PUS10: variants seen among roughly 807,000 people sequenced by gnomAD.
PUS10 encodes the protein tRNA pseudouridine synthase Pus10.
In PUS10, 59 loss-of-function variants were observed where a neutral mutation model predicts 75.0. The ratio of observed to expected loss-of-function variants is 0.79; its 90% CI spans 0.64 to 0.98. PUS10 has a LOEUF of 0.98. PUS10 is among the 50% of genes least tolerant of loss of function. The pLI, the probability that PUS10 is intolerant of heterozygous loss-of-function variation, is 0.00. For missense variants in PUS10, 650 were observed against 614.4 expected, an observed-to-expected ratio of 1.06 and a Z score of -0.61; for synonymous variants, 219 against 211.6, an observed-to-expected ratio of 1.03 and a Z score of -0.30.
At chr2:61,014,374 C>A (rs1041998651) in intron 1 of PUS10, among the ~76,000 whole-genome samples, 1 of 152,050 alleles carries the variant, frequency 6.6e-6, no homozygotes, top group Non-Finnish European at 1.5e-5. Flanking sequence ...AGCGAAATTC[C>A]ATCTCAAACA....
chr2:60,942,699 A>T (rs1397962456), intron 17 of PUS10, among the ~76,000 whole-genome samples: 3 of 152,108 alleles, frequency 2.0e-5, no homozygotes, highest in African/African-American at 7.2e-5. Context: ...GAATACATTT[A>T]AATTTTTTAA....
chr2:60,957,709 C>T (rs1342578353), intron 11 of PUS10, among the ~76,000 whole-genome samples: 11 of 152,234 alleles, frequency 7.2e-5, no homozygotes, highest in Non-Finnish European at 1.6e-4. Context: ...TGATCTGTTG[C>T]TCTCTGTATT....
intron 4 of PUS10, among the ~76,000 whole-genome samples, chr2:60,984,371 G>A (rs1416753789): frequency 6.6e-6 from 1 of 152,124 alleles, no homozygotes; most frequent in Non-Finnish European, 1.5e-5. Context: ...GTACAAGTGT[G>A]AACTAAAACA....
Position 61,007,567 on chromosome 2 carries a change from G to A in PUS10, c.382-924C>T, listed in dbSNP as rs368199604. Among the ~76,000 whole-genome samples the A allele has an allele frequency of 9.2e-5, 14 of 151,900 alleles. No homozygotes were observed. The East Asian group carries it at 2.3e-3, about 25-fold the overall frequency. On this transcript the variant is annotated intron_variant, in intron 3 of 17. Coordinates refer to ENST00000316752, the MANE Select transcript of PUS10 (RefSeq NM_144709.4). ...GCGGATCACCTGAGGTCAGGAGTTCGAGACCAGACTGGCCAACATGGTGAA... is the reference window on the plus strand; with the variant it reads ...GCGGATCACCTGAGGTCAGGAGTTCAAGACCAGACTGGCCAACATGGTGAA...
intron 8 of PUS10, among the ~76,000 whole-genome samples, chr2:60,964,068 C>G (rs1222077803): frequency 6.6e-6 from 1 of 152,202 alleles, no homozygotes; most frequent in Non-Finnish European, 1.5e-5. Flanking sequence ...GGGCCTCAGA[C>G]AGTGGAAACC....
intron 4 of PUS10, among the ~76,000 whole-genome samples, chr2:61,005,105 A>G (rs1338552320): frequency 2.0e-5 from 3 of 152,086 alleles, no homozygotes; most frequent in Non-Finnish European, 4.4e-5. Flanking sequence ...AAATACAAAA[A>G]TAAAAATTAG....
At chr2:61,014,859 T>C (rs1376482794) in intron 1 of PUS10, among the ~76,000 whole-genome samples, 4 of 152,208 alleles carry the variant, frequency 2.6e-5, no homozygotes, top group Non-Finnish European at 5.9e-5. Flanking sequence ...TAAAACTTCC[T>C]ACTTACTTGC....
rs1558890705 is a variant in PUS10, at chr2:60,960,474, C to T, written c.918G>A (p.Trp306Ter). 2 of 1,574,712 alleles carry T rather than the reference C, an allele frequency of 1.3e-6. No homozygotes were observed. The highest frequency in any genetic ancestry group is 1.7e-6 in the Non-Finnish European group (2 of 1,165,538). Residue 306 changes from tryptophan (W) to a stop codon, truncating the protein, a stop_gained, in exon 11 of 18, where the codon TGG (tryptophan) becomes TGA (stop). Transcript: ENST00000316752. LOFTEE classifies it high-confidence loss of function. The part of the protein sequence containing the change: ...KYSRNLPQTP[W>*]IIDGERKLES... The stretch of plus-strand genomic sequence containing the variant: ...CCAGCTTCCTTTCTCCATCAATTAT[C>T]CAAGGAGTTTGTGGTAGATTCCTGG...
intron 1 of PUS10, chr2:61,017,332 C>T (rs1680066471): frequency 6.2e-6 from 1 of 160,786 alleles, no homozygotes; most frequent in Non-Finnish European, 1.4e-5. Context: ...CTTCTCCCTT[C>T]TTGTTTGTAG....
chr2:60,992,936 TG>T (rs1678204841), intron 4 of PUS10, among the ~76,000 whole-genome samples: 2 of 152,222 alleles, frequency 1.3e-5, no homozygotes, highest in South Asian at 4.1e-4. Context: ...ATACGATATA[TG>T]GCTCTTTAAT....
At chr2:61,016,632 G>A (rs1280499673) in intron 1 of PUS10, among the ~76,000 whole-genome samples, 2 of 152,076 alleles carry the variant, frequency 1.3e-5, no homozygotes, top group Non-Finnish European at 2.9e-5. Context: ...AGGCTCCCTA[G>A]GAGGACTGAA....
intron 5 of PUS10, among the ~76,000 whole-genome samples, chr2:60,970,985 G>T (rs542579848): frequency 3.3e-5 from 5 of 152,180 alleles, no homozygotes; most frequent in Non-Finnish European, 4.4e-5. Context: ...TTCAAGACCA[G>T]CCTGGACAAC....
chr2:61,017,514 C>T (rs1680080795), intron 1 of PUS10: 4 of 484,180 alleles, frequency 8.3e-6, no homozygotes, highest in Middle Eastern at 5.4e-4. Flanking sequence ...GAGCCTTTAC[C>T]CTGAGGTTTA....
At chr2:61,013,951 AAACAACAAC>A (rs34082267) in intron 1 of PUS10, among the ~76,000 whole-genome samples, 3 of 151,122 alleles carry the variant, frequency 2.0e-5, no homozygotes, top group Admixed American at 6.6e-5. Flanking sequence ...AAATACAAAC[AAACAACAAC>A]AACAACAACA....
At chr2:60,999,318 A>T (rs1387911382) in intron 4 of PUS10, among the ~76,000 whole-genome samples, 1 of 152,210 alleles carries the variant, frequency 6.6e-6, no homozygotes, top group Non-Finnish European at 1.5e-5. Flanking sequence ...ATCAATCATG[A>T]ATATAAAATA....
At chr2:61,011,987 C>A in intron 1 of PUS10, 82 bp from the exon 2 acceptor site, 1 of 1,124,750 alleles carries the variant, frequency 8.9e-7, no homozygotes, top group Admixed American at 2.7e-5. Flanking sequence ...GGGATAAAAA[C>A]TAGCTTTCAT....
At chr2:60,979,078 C>A (rs974313464) in intron 4 of PUS10, among the ~76,000 whole-genome samples, 3 of 151,828 alleles carry the variant, frequency 2.0e-5, no homozygotes, top group African/African-American at 7.3e-5. Flanking sequence ...TTTAGCAGTA[C>A]CCCCTGCTCC....
At chr2:60,999,985 T>C (rs1678746871) in intron 4 of PUS10, among the ~76,000 whole-genome samples, 1 of 152,102 alleles carries the variant, frequency 6.6e-6, no homozygotes, top group Admixed American at 6.6e-5. Context: ...GCAAATAGTA[T>C]ACCATTTTAT....
At chr2:60,951,440 C>T (rs1369395154) in intron 15 of PUS10, among the ~76,000 whole-genome samples, 1 of 152,022 alleles carries the variant, frequency 6.6e-6, no homozygotes, top group Non-Finnish European at 1.5e-5. Flanking sequence ...TCAGTGGGAG[C>T]CCTGAGCTTG....
Sources: gnomAD v4.1 joint callset for allele counts (sites outside exome capture counted in the v4.1 genomes callset) on GRCh38, gnomAD v4.1.1 for gene constraint, MANE v1.5 for transcripts, NCBI Gene and HGNC (gene_info 2026-07-23, HGNC 2026-07-21) for gene names.